NMT2: variants seen among roughly 807,000 people sequenced by gnomAD.
NMT2 encodes the protein N-myristoyltransferase 2.
A neutral mutation model predicts 65.4 loss-of-function variants in NMT2; 35 were observed. That is an observed-to-expected ratio of 0.54 (90% CI 0.41 to 0.71). The LOEUF (loss-of-function observed/expected upper bound fraction) is 0.71, where lower values mean the gene tolerates loss of function less well. NMT2 is among the 30% of genes least tolerant of loss of function. The probability of loss-of-function intolerance (pLI) is 0.00; values close to 1 mark genes in which losing one functional copy is unlikely to be tolerated. For synonymous variants in NMT2, 226 were observed against 231.8 expected (o/e 0.98, Z 0.23); for missense variants, 489 against 611.3 (o/e 0.80, Z 2.11).
chr10:15,130,381 A>T, intron 6 of NMT2, 69 bp from the exon 7 acceptor site: 1 of 1,157,018 alleles, frequency 8.6e-7, no homozygotes, highest in Non-Finnish European at 1.2e-6. Context: ...ACACATTTTA[A>T]AAAATAAGAT....
intron 1 of NMT2, among the ~76,000 whole-genome samples, chr10:15,153,423 C>T (rs1832873301): frequency 6.6e-6 from 1 of 152,236 alleles, no homozygotes; most frequent in Non-Finnish European, 1.5e-5. Flanking sequence ...CTTGCCACCA[C>T]TGGAAGGACA....
rs1341470071 is a variant in NMT2 at position 15,139,880 on chromosome 10, T to C, written c.246+1542A>G. 2.4e-3 allele frequency: 159 copies of C among 67,468 alleles called. 3 individuals are homozygous for C. Among genetic ancestry groups the C allele is most frequent in the African/African-American group, 0.01 (79 of 7,822 alleles). The allele number at this position is 67,468 out of a possible 1,614,324, so 4.2% of individuals were successfully genotyped here. On this transcript the variant is annotated intron_variant, in intron 2 of 11. Transcript: ENST00000378165. ...AACAACTACTATATATATATATATA[T>C]ATATATATATATATATATATATATA...
intron 7 of NMT2, among the ~76,000 whole-genome samples, chr10:15,129,929 A>G (rs1007259074): frequency 6.6e-6 from 1 of 151,138 alleles, no homozygotes; most frequent in Admixed American, 6.6e-5. Flanking sequence ...AAAAAAAAAA[A>G]GTATAGATCC....
At chr10:15,128,214 C>G in intron 8 of NMT2, 136 bp downstream of exon 8, 1 of 644,148 alleles carries the variant, frequency 1.6e-6, no homozygotes, top group South Asian at 1.7e-5. Flanking sequence ...CTCCCGAGTT[C>G]CATGAAATCT....
chr10:15,157,139 C>T (rs1833030485), intron 1 of NMT2, among the ~76,000 whole-genome samples: 1 of 152,132 alleles, frequency 6.6e-6, no homozygotes, highest in African/African-American at 2.4e-5. Flanking sequence ...ACTATATGAG[C>T]TGGAACACTG....
chr10:15,157,409 G>T (rs1833040216), intron 1 of NMT2, among the ~76,000 whole-genome samples: 2 of 152,172 alleles, frequency 1.3e-5, no homozygotes, highest in Admixed American at 6.5e-5. Flanking sequence ...GCTGAAGTGG[G>T]TACCTCCCGG....
chr10:15,144,478 T>C (rs111511686), intron 1 of NMT2, among the ~76,000 whole-genome samples: 3,079 of 152,264 alleles, frequency 0.02, 93 homozygotes, highest in African/African-American at 0.067. Flanking sequence ...ACGCCTGTAA[T>C]CCCAGCACTT....
intron 1 of NMT2, among the ~76,000 whole-genome samples, chr10:15,163,144 C>T (rs1029475770): frequency 2.6e-4 from 39 of 152,172 alleles, no homozygotes; most frequent in African/African-American, 9.2e-4. Flanking sequence ...AATTCTTGGC[C>T]TCAAGCGATC....
chr10:15,144,802 G>A (rs960700700), intron 1 of NMT2, among the ~76,000 whole-genome samples: 1 of 152,088 alleles, frequency 6.6e-6, no homozygotes, highest in Non-Finnish European at 1.5e-5. Context: ...CTGTTGATGG[G>A]AATGTAAAAT....
At chr10:15,163,771 TA>T (rs1186302799) in intron 1 of NMT2, among the ~76,000 whole-genome samples, 5 of 152,352 alleles carry the variant, frequency 3.3e-5, no homozygotes, top group South Asian at 2.1e-4. Context: ...TTCCTTTTTT[TA>T]CCCCCTAAAT....
intron 2 of NMT2, among the ~76,000 whole-genome samples, chr10:15,135,620 T>A (rs1846455733): frequency 6.6e-6 from 1 of 151,956 alleles, no homozygotes; most frequent in African/African-American, 2.4e-5. Context: ...AGTTGTCTAG[T>A]TTTATTGGGG....
chr10:15,132,937 A>G lies in NMT2; in HGVS notation c.603-4T>C, dbSNP rs1846335929. On this transcript the variant is annotated splice_polypyrimidine_tract_variant and splice_region_variant and intron_variant, in intron 5 of 11. Transcript: ENST00000378165. Reference sequence around the variant, plus strand: ...CCAGCCTGGTGGACGCAGAGCCCTGAGGTCACGGTAGACAAGAAAACAGGC... The same window carrying G: ...CCAGCCTGGTGGACGCAGAGCCCTGGGGTCACGGTAGACAAGAAAACAGGC... 16 of 1,609,756 alleles carry G rather than the reference A, an allele frequency of 9.9e-6. No homozygotes were observed. Among genetic ancestry groups the G allele is most frequent in the Non-Finnish European group, 1.4e-5 (16 of 1,177,010 alleles).
At chr10:15,135,721 G>T (rs1490718306) in intron 2 of NMT2, among the ~76,000 whole-genome samples, 1 of 152,132 alleles carries the variant, frequency 6.6e-6, no homozygotes, top group African/African-American at 2.4e-5. Context: ...TCCTCTGGGG[G>T]AGACGTGCAG....
intron 1 of NMT2, among the ~76,000 whole-genome samples, chr10:15,152,112 G>T (rs937639744): frequency 1.3e-5 from 2 of 152,222 alleles, no homozygotes; most frequent in Non-Finnish European, 2.9e-5. Flanking sequence ...ATGAGCCTGT[G>T]ATATGTGTCC....
Position 15,143,314 on chromosome 10 carries a change from C to T in NMT2, c.111-1757G>A, listed in dbSNP as rs187056546. Among the ~76,000 whole-genome samples, 585 of 152,274 alleles carry T rather than the reference C, an allele frequency of 3.8e-3. 2 individuals carry two copies. The highest frequency in any genetic ancestry group is 7.8e-3 in the Admixed American group (119 of 15,304). Reference sequence around the variant, plus strand: ...GGTGGACATGCCTGTGACTTCACAACCTAGGGGATTATCCCTCTCCCACTT... The same window carrying T: ...GGTGGACATGCCTGTGACTTCACAATCTAGGGGATTATCCCTCTCCCACTT... On this transcript the variant is annotated intron_variant, in intron 1 of 11. Transcript: ENST00000378165.
At chr10:15,123,628 T>C (rs182228104) in intron 8 of NMT2, among the ~76,000 whole-genome samples, 3 of 152,124 alleles carry the variant, frequency 2.0e-5, no homozygotes, top group East Asian at 1.9e-4. Flanking sequence ...AGGAAGGCTA[T>C]TGGGCTTACA....
intron 8 of NMT2, among the ~76,000 whole-genome samples, chr10:15,125,371 TC>T (rs1385688582): frequency 6.6e-6 from 1 of 152,162 alleles, no homozygotes; most frequent in Non-Finnish European, 1.5e-5. Flanking sequence ...GAAGATTGAC[TC>T]TTGTACAAAA....
chr10:15,135,193 T>G, intron 3 of NMT2, 81 bp downstream of exon 3: 1 of 759,096 alleles, frequency 1.3e-6, no homozygotes. Flanking sequence ...TCTTTGTGTT[T>G]TGTTGTTGTT....
At position 15,109,726 on chromosome 10, in the gene NMT2, C is replaced by T. The variant is rs1316198170; in HGVS notation, c.1452G>A (p.Arg484=). 1.2e-6 allele frequency: 2 copies of T among 1,612,236 alleles called. No individual in the cohort carries two copies. Among genetic ancestry groups the T allele is most frequent in the East Asian group, 2.2e-5 (1 of 44,780 alleles). Residue 484 remains arginine, a synonymous_variant, in exon 11 of 12, where the codon AGG becomes AGA. Transcript: ENST00000378165. ...CCTTTTCAGAATCTGTACCTGGACACCTCCAATTGTACAGGTAATACTGCA... is the reference window on the plus strand; with the variant it reads ...CCTTTTCAGAATCTGTACCTGGACATCTCCAATTGTACAGGTAATACTGCA... ...GNLQYYLYNW[R]CPGTDSEKVG...
Sources: allele counts gnomAD v4.1 joint callset (sites outside exome capture counted in the v4.1 genomes callset), GRCh38; gene constraint gnomAD v4.1.1; transcripts MANE v1.5; gene names NCBI Gene and HGNC (gene_info 2026-07-23, HGNC 2026-07-21).